Variants in CDH12 observed in about 807,000 individuals in gnomAD.
The protein encoded by CDH12 is cadherin 12, also known as cadherin-12.
In CDH12, 41 loss-of-function variants were observed where a neutral mutation model predicts 74.1. That is an observed-to-expected ratio of 0.55 (90% CI 0.43 to 0.72). The LOEUF is 0.72. CDH12 is among the 30% of genes least tolerant of loss of function. CDH12 has a pLI of 0.00. For missense variants in CDH12, 945 were observed against 977.2 expected, an observed-to-expected ratio of 0.97 and a Z score of 0.44; for synonymous variants, 399 against 355.0, an observed-to-expected ratio of 1.12 and a Z score of -1.39.
At chr5:21,813,378 G>T (rs1157877746) in intron 9 of CDH12, among the ~76,000 whole-genome samples, 2 of 152,128 alleles carry the variant, frequency 1.3e-5, no homozygotes, top group Non-Finnish European at 2.9e-5. Context: ...TACTTGGGAG[G>T]CTGAGGCAGG....
intron 3 of CDH12, among the ~76,000 whole-genome samples, chr5:22,226,795 A>G (rs1752208753): frequency 6.6e-6 from 1 of 152,138 alleles, no homozygotes; most frequent in Non-Finnish European, 1.5e-5. Context: ...CATAGTATCC[A>G]GCACATAATA....
chr5:22,272,518 C>T (rs545673755), intron 3 of CDH12, among the ~76,000 whole-genome samples: 2 of 152,280 alleles, frequency 1.3e-5, no homozygotes, highest in East Asian at 1.9e-4. Context: ...TGATGCAGGG[C>T]CCTAGGTTTC....
At chr5:22,057,211 G>A (rs1277200206) in intron 5 of CDH12, among the ~76,000 whole-genome samples, 1 of 152,172 alleles carries the variant, frequency 6.6e-6, no homozygotes. Flanking sequence ...AAGCATGTCT[G>A]TGTTTCAATA....
At chr5:21,854,286 G>A (rs1439515692) in intron 7 of CDH12, among the ~76,000 whole-genome samples, 1 of 151,520 alleles carries the variant, frequency 6.6e-6, no homozygotes, top group Non-Finnish European at 1.5e-5. Context: ...AGCAATAGAA[G>A]CTCCAGGATG....
chr5:22,329,989 G>T (rs986174212), intron 3 of CDH12, among the ~76,000 whole-genome samples: 3 of 152,220 alleles, frequency 2.0e-5, no homozygotes, highest in African/African-American at 7.2e-5. Flanking sequence ...CAGTGGACTA[G>T]GGTGGCATGT....
intron 7 of CDH12, among the ~76,000 whole-genome samples, chr5:21,850,285 G>C (rs1349886504): frequency 1.3e-5 from 2 of 151,420 alleles, no homozygotes; most frequent in African/African-American, 4.8e-5. Context: ...TTTGCTAAAC[G>C]AGTAGATTAT....
intron 3 of CDH12, among the ~76,000 whole-genome samples, chr5:22,316,379 A>G (rs1738635727): frequency 6.6e-6 from 1 of 152,198 alleles, no homozygotes; most frequent in Non-Finnish European, 1.5e-5. Flanking sequence ...AAAAGTTTGT[A>G]GAAGACTGCC....
In CDH12 at chr5:21,751,823, A is replaced by G; in HGVS notation, c.2299T>C (p.Tyr767His). 6.2e-7 allele frequency: 1 copy of G among 1,614,110 alleles called. No individual in the cohort carries two copies. The highest frequency in any genetic ancestry group is 1.3e-5 in the African/African-American group (1 of 75,024). Residue 767 changes from tyrosine (Y) to histidine (H), a missense_variant, in exon 15 of 15, where the codon TAT becomes CAT. Tyr to His is a moderately conservative substitution (Grantham distance 83, BLOSUM62 2). Coordinates refer to ENST00000382254, the MANE Select transcript of CDH12 (RefSeq NM_004061.5). ...AAGCGGGGTCCCCAGTCTGTCAGAT[A>G]GTCATAGTCCTGGTCGGCTTCTGTG... ...LTTEADQDYD[Y>H]LTDWGPRFKV...
chr5:22,513,611 G>A (rs1271516312), intron 1 of CDH12, among the ~76,000 whole-genome samples: 1 of 152,022 alleles, frequency 6.6e-6, no homozygotes, highest in East Asian at 1.9e-4. Context: ...GGGAGTCCTG[G>A]GCTAAAATTT....
chr5:21,765,080 G>T lies in CDH12; in HGVS notation c.1413C>A (p.Ser471Arg). Reference sequence around the variant, plus strand: ...AGACATTAATCAGTATATTGACTTTGCTGGTCAATAAAGGGTTACCTGTTA... The same window carrying T: ...AGACATTAATCAGTATATTGACTTTTCTGGTCAATAAAGGGTTACCTGTTA... ...ASKVSNPLLT[S>R]KVNILINVLD... The change falls in exon 12 of 15, where the codon AGC becomes AGA. Residue 471 changes from serine (S) to arginine (R), a missense_variant. Coordinates refer to ENST00000382254, the MANE Select transcript of CDH12 (RefSeq NM_004061.5). 6.3e-7 allele frequency: 1 copy of T among 1,589,642 alleles called. No homozygotes were observed. The highest frequency in any genetic ancestry group is 8.6e-7 in the Non-Finnish European group (1 of 1,168,412).
At chr5:22,644,936 C>T (rs1029574388) in intron 1 of CDH12, among the ~76,000 whole-genome samples, 4 of 152,098 alleles carry the variant, frequency 2.6e-5, no homozygotes, top group African/African-American at 9.6e-5. Context: ...CATCTGTTTA[C>T]AGCCTGATTT....
At chr5:22,721,009 A>T (rs1164357440) in intron 1 of CDH12, among the ~76,000 whole-genome samples, 1 of 152,256 alleles carries the variant, frequency 6.6e-6, no homozygotes, top group Admixed American at 6.5e-5. Flanking sequence ...CAGCTGAAGA[A>T]GTTTGCATAA....
At chr5:22,082,466 A>G (rs1342893664) in intron 4 of CDH12, among the ~76,000 whole-genome samples, 1 of 152,092 alleles carries the variant, frequency 6.6e-6, no homozygotes, top group Non-Finnish European at 1.5e-5. Flanking sequence ...TCTTGAATCC[A>G]CTGCACAAAG....
At chr5:22,296,283 C>T (rs938773694) in intron 3 of CDH12, among the ~76,000 whole-genome samples, 1 of 151,922 alleles carries the variant, frequency 6.6e-6, no homozygotes. Flanking sequence ...TGCTAATCTA[C>T]CTTAGAGAAC....
intron 2 of CDH12, among the ~76,000 whole-genome samples, chr5:22,478,147 G>A (rs909099593): frequency 4.6e-5 from 7 of 151,974 alleles, no homozygotes; most frequent in South Asian, 2.1e-4. Flanking sequence ...GGCCAGGCAC[G>A]GTGGCTCACG....
At chr5:22,826,117 C>A (rs1004298733) in intron 1 of CDH12, among the ~76,000 whole-genome samples, 11 of 152,106 alleles carry the variant, frequency 7.2e-5, no homozygotes, top group Admixed American at 5.2e-4. Context: ...TGCCATAATT[C>A]TCATGTATTG....
At chr5:22,529,147 A>ATGAATATATG (rs1737438755) in intron 1 of CDH12, among the ~76,000 whole-genome samples, 6 of 134,976 alleles carry the variant, frequency 4.4e-5, no homozygotes, top group African/African-American at 1.3e-4. Flanking sequence ...ATATATATAC[A>ATGAATATATG]CATATATATA....
intron 1 of CDH12, among the ~76,000 whole-genome samples, chr5:22,765,681 A>AT (rs1323124626): frequency 3.3e-5 from 5 of 151,802 alleles, no homozygotes; most frequent in East Asian, 1.9e-4. Context: ...TCGGTAACAG[A>AT]TTTTTTTTCA....
At chr5:21,931,300 A>T (rs1754824478) in intron 6 of CDH12, among the ~76,000 whole-genome samples, 1 of 152,130 alleles carries the variant, frequency 6.6e-6, no homozygotes, top group African/African-American at 2.4e-5. Flanking sequence ...ATTTCCTCAC[A>T]CTGGTTCCCA....
Sources: allele counts gnomAD v4.1 joint callset (sites outside exome capture counted in the v4.1 genomes callset), GRCh38; gene constraint gnomAD v4.1.1; transcripts MANE v1.5; gene names NCBI Gene and HGNC (gene_info 2026-07-23, HGNC 2026-07-21).